Variants in FAM13A observed in about 807,000 individuals in gnomAD.
The protein encoded by FAM13A is family with sequence similarity 13 member A.
A neutral mutation model predicts 129.6 loss-of-function variants in FAM13A; 76 were observed. That is an observed-to-expected ratio of 0.59 (90% CI 0.49 to 0.71). FAM13A has a LOEUF of 0.71. FAM13A is among the 30% of genes least tolerant of loss of function. FAM13A has a pLI of 0.00. For synonymous variants in FAM13A, 443 were observed against 449.9 expected, an observed-to-expected ratio of 0.98 and a Z score of 0.20; for missense variants, 1,108 against 1,249.3, an observed-to-expected ratio of 0.89 and a Z score of 1.70.
At chr4:88,798,893 A>C (rs1726814576) in intron 8 of FAM13A, among the ~76,000 whole-genome samples, 1 of 152,176 alleles carries the variant, frequency 6.6e-6, no homozygotes, top group African/African-American at 2.4e-5. Flanking sequence ...ACCTAGGCAG[A>C]ATGGATATAA....
chr4:88,899,708 A>G (rs1203134425), intron 6 of FAM13A, among the ~76,000 whole-genome samples: 3 of 152,096 alleles, frequency 2.0e-5, no homozygotes, highest in South Asian at 2.1e-4. Context: ...TGAAAACTCA[A>G]AAAGCTAGAG....
chr4:88,960,927 T>C (rs1003049701), intron 4 of FAM13A, among the ~76,000 whole-genome samples: 11 of 152,234 alleles, frequency 7.2e-5, no homozygotes, highest in Admixed American at 5.2e-4. Context: ...AAAAAAATTA[T>C]ATTTATGGAA....
At position 89,020,484 on chromosome 4, in the gene FAM13A, G is replaced by T; in HGVS notation, c.403C>A (p.Pro135Thr). 6.2e-7 allele frequency: 1 copy of T among 1,613,804 alleles called. No individual in the cohort carries two copies. The highest frequency in any genetic ancestry group is 8.5e-7 in the Non-Finnish European group (1 of 1,179,816). The change falls in exon 3 of 24, where the codon CCT (proline) becomes ACT (threonine). Residue 135 changes from proline (P) to threonine (T), a missense_variant. By Grantham distance (38) the Pro-to-Thr change is conservative. Around this residue, in one of 3 missense-constraint regions of FAM13A, gnomAD observed 566 missense variants for 595.7 expected, o/e 0.95. Coordinates refer to ENST00000264344, the MANE Select transcript of FAM13A (RefSeq NM_014883.4). The stretch of plus-strand genomic sequence containing the variant: ...CCCTGAAAGAGTTGAATGAATCGAG[G>T]CTGCAACGCTGAGGTGATCAGACTG... ...PDSLITSALQ[P>T]RFIQLFQDGR...
rs1286084165 is a variant in FAM13A, at chr4:89,056,949, G to A, written c.16C>T (p.Leu6=). ...AGGCCTATACTTACACAGATGGCTA[G>A]AGCTCCTGCCCCCATTCTCTCAGAA... is the stretch of plus-strand genomic sequence containing the variant. MGAGA[L]AICQSKAAVR... Residue 6 remains leucine (L), a synonymous_variant, in exon 1 of 24, where the codon CTA becomes TTA. Transcript: ENST00000264344. 2 of 1,613,596 alleles carry A rather than the reference G, an allele frequency of 1.2e-6. No individual in the cohort carries two copies. The highest frequency in any genetic ancestry group is 1.1e-5 in the South Asian group (1 of 91,052).
intron 11 of FAM13A, among the ~76,000 whole-genome samples, chr4:88,774,276 A>G (rs183967951): frequency 6.6e-6 from 1 of 152,270 alleles, no homozygotes; most frequent in Admixed American, 6.5e-5. Context: ...TCTCCACAGC[A>G]TGTATTGCCA....
chr4:88,895,557 T>A (rs1746142990), intron 6 of FAM13A, among the ~76,000 whole-genome samples: 1 of 149,012 alleles, frequency 6.7e-6, no homozygotes. Context: ...TATAATGAAC[T>A]CAAACAAATT....
intron 2 of FAM13A, among the ~76,000 whole-genome samples, chr4:89,024,578 G>C (rs983583551): frequency 6.6e-6 from 1 of 152,072 alleles, no homozygotes; most frequent in Non-Finnish European, 1.5e-5. Flanking sequence ...TTACATGAAT[G>C]GTCACCCCTA....
At chr4:88,985,263 T>C (rs536064654) in intron 4 of FAM13A, among the ~76,000 whole-genome samples, 10 of 152,286 alleles carry the variant, frequency 6.6e-5, no homozygotes, top group East Asian at 5.8e-4. Context: ...AGAAAGTAGA[T>C]GAGTGGTTGC....
chr4:88,976,700 A>C (rs1760952752), intron 4 of FAM13A, among the ~76,000 whole-genome samples: 2 of 151,726 alleles, frequency 1.3e-5, no homozygotes, highest in African/African-American at 4.9e-5. Context: ...CCCAGGCCTT[A>C]ATATTTACTC....
Position 88,962,386 on chromosome 4 carries a change from C to G in FAM13A, c.606-24145G>C, listed in dbSNP as rs145693708. On this transcript the variant is annotated intron_variant, in intron 4 of 23. Transcript: ENST00000264344. ...GGGGATTTACTAAAGGAGAGTCAAC[C>G]AATTCAAGGTCTGTGAAAGTGCAAG... Among the ~76,000 whole-genome samples the G allele has an allele frequency of 3.7e-4, 56 of 152,174 alleles. 1 individual carries two copies. Among genetic ancestry groups the G allele is most frequent in the Non-Finnish European group, 6.2e-4 (42 of 68,000 alleles).
At chr4:88,977,321 G>T (rs1258698772) in intron 4 of FAM13A, among the ~76,000 whole-genome samples, 2 of 152,122 alleles carry the variant, frequency 1.3e-5, no homozygotes, top group Non-Finnish European at 2.9e-5. Flanking sequence ...ATACAGAGTG[G>T]ATATGATGTG....
intron 4 of FAM13A, among the ~76,000 whole-genome samples, chr4:88,949,071 A>G (rs185895402): frequency 8.1e-4 from 123 of 152,340 alleles, no homozygotes; most frequent in Non-Finnish European, 1.7e-3. Context: ...ATATTTTTGT[A>G]GTTTTCTTCA....
chr4:88,991,191 A>G, intron 3 of FAM13A, 41 bp from the exon 4 acceptor site: 1 of 1,480,730 alleles, frequency 6.8e-7, no homozygotes, highest in Admixed American at 1.9e-5. Context: ...GGTATATTTC[A>G]CAGTAACAAC....
chr4:88,791,461 T>C (rs1725139221), intron 8 of FAM13A, among the ~76,000 whole-genome samples: 1 of 152,116 alleles, frequency 6.6e-6, no homozygotes, highest in African/African-American at 2.4e-5. Flanking sequence ...CTATTTTAAT[T>C]GTATTAACAC....
chr4:88,747,010 C>G lies in FAM13A; in HGVS notation c.2388G>C (p.Met796Ile), dbSNP rs1396441749. The G allele has an allele frequency of 6.2e-7, 1 of 1,605,934 alleles. No individual in the cohort carries two copies. Among genetic ancestry groups the G allele is most frequent in the Non-Finnish European group, 8.5e-7 (1 of 1,172,716 alleles). The change falls in exon 19 of 24, where the codon ATG becomes ATC. Residue 796 changes from methionine (M) to isoleucine (I), a missense_variant. Coordinates refer to ENST00000264344, the MANE Select transcript of FAM13A (RefSeq NM_014883.4). ...ESSRPEDIKD[M>I]TKDQIANEKV... Reference sequence around the variant, plus strand: ...TCTCATTAGCAATCTGGTCTTTGGTCATATCCTGTATAAACACAGGGATAG... The same window carrying G: ...TCTCATTAGCAATCTGGTCTTTGGTGATATCCTGTATAAACACAGGGATAG...
intron 23 of FAM13A, chr4:88,729,856 T>A (rs1737267672): frequency 1.3e-5 from 2 of 152,246 alleles, no homozygotes; most frequent in African/African-American, 4.8e-5. Flanking sequence ...TAGGCTTAGA[T>A]GAAAGACTGG....
At chr4:88,759,672 G>A (rs1463174378) in intron 13 of FAM13A, among the ~76,000 whole-genome samples, 1 of 151,940 alleles carries the variant, frequency 6.6e-6, no homozygotes, top group East Asian at 1.9e-4. Flanking sequence ...TTACAAATAC[G>A]CAACTGTCAC....
intron 6 of FAM13A, among the ~76,000 whole-genome samples, chr4:88,893,693 C>G (rs190391570): frequency 1.3e-5 from 2 of 150,678 alleles, no homozygotes; most frequent in East Asian, 3.9e-4. Flanking sequence ...TGGCGGGCGC[C>G]TGTAGTCCCA....
chr4:88,884,898 T>G (rs1043441030), intron 6 of FAM13A, among the ~76,000 whole-genome samples: 1 of 152,018 alleles, frequency 6.6e-6, no homozygotes, highest in Non-Finnish European at 1.5e-5. Flanking sequence ...CCTTTTAGAA[T>G]AGCTGTAAAA....
Sources: gnomAD v4.1 joint callset for allele counts (sites outside exome capture counted in the v4.1 genomes callset) on GRCh38, gnomAD v4.1.1 for gene constraint, gnomAD v4.1.1 regional missense constraint, MANE v1.5 for transcripts, NCBI Gene and HGNC (gene_info 2026-07-23, HGNC 2026-07-21) for gene names.